AATF: variants seen among roughly 807,000 people sequenced by gnomAD.
AATF encodes the protein apoptosis antagonizing transcription factor, also known as protein AATF.
Under a neutral mutation model 63.7 loss-of-function variants are expected in AATF, and 48 were observed. The observed-to-expected ratio is 0.75, with a 90% CI of 0.60 to 0.96. The LOEUF is 0.96. Ranked by LOEUF, AATF falls within the 40% of genes least tolerant of loss-of-function variation. AATF has a pLI of 0.00. For missense variants in AATF, 639 were observed against 685.7 expected (o/e 0.93, Z 0.76); for synonymous variants, 258 against 247.7 (o/e 1.04, Z -0.39).
At chr17:37,021,136 TAAAC>T (rs1430475286) in intron 10 of AATF, 122 bp downstream of exon 10, 9 of 697,226 alleles carry the variant, frequency 1.3e-5, no homozygotes, top group Middle Eastern at 3.5e-4. Context: ...ATCAGAAAAA[TAAAC>T]AATATTTGAA....
At chr17:37,053,880 A>G (rs992007539) in intron 11 of AATF, among the ~76,000 whole-genome samples, 8 of 152,182 alleles carry the variant, frequency 5.3e-5, no homozygotes, top group Non-Finnish European at 1.2e-4. Context: ...AAAATAGTTT[A>G]TGTGTTACTT....
intron 8 of AATF, among the ~76,000 whole-genome samples, chr17:36,997,374 A>G (rs1470915106): frequency 6.6e-6 from 1 of 152,210 alleles, no homozygotes; most frequent in African/African-American, 2.4e-5. Context: ...TGCAAACTCA[A>G]ATCAGTAAGA....
Position 36,988,685 on chromosome 17 carries a change from G to C in AATF, c.1114G>C (p.Asp372His). Residue 372 changes from aspartate (D) to histidine (H), a missense_variant, in exon 6 of 12, where the codon GAT becomes CAT. Physicochemically the swap from Asp to His is moderately conservative, Grantham distance 81. Transcript: ENST00000619387. ...YRNRTLQKWHDKTKLASGKLG... is the reference protein window; with the variant it reads ...YRNRTLQKWHHKTKLASGKLG... ...GAACCGCACACTTCAGAAATGGCAC[G>C]ATAAGACCAAACTGGCTTCTGGAAA... 1 of 1,614,026 alleles carries C rather than the reference G, an allele frequency of 6.2e-7. No individual in the cohort carries two copies. Among genetic ancestry groups the C allele is most frequent in the East Asian group, 2.2e-5 (1 of 44,884 alleles).
chr17:37,002,243 A>G (rs933609203), intron 8 of AATF, among the ~76,000 whole-genome samples: 1 of 151,912 alleles, frequency 6.6e-6, no homozygotes, highest in Non-Finnish European at 1.5e-5. Context: ...CCACCAAAAA[A>G]CTACTAGAGC....
At chr17:36,987,766 CTTGTA>C (rs2071180503) in intron 5 of AATF, among the ~76,000 whole-genome samples, 1 of 152,170 alleles carries the variant, frequency 6.6e-6, no homozygotes, top group African/African-American at 2.4e-5. Context: ...TTCAGCTTCT[CTTGTA>C]TTTGGTTCAA....
intron 9 of AATF, 68 bp from the exon 10 acceptor site, chr17:37,020,866 C>A (rs2071463809): frequency 1.6e-6 from 2 of 1,275,916 alleles, no homozygotes; most frequent in Non-Finnish European, 2.2e-6. Context: ...TAGAATAATT[C>A]CAATTTGTCA....
rs188603318 is a variant in AATF at position 37,019,114 on chromosome 17, T to A, written c.1466+42T>A. The stretch of plus-strand genomic sequence containing the variant: ...TTTCTGTTCATGCAAGCAGCCTATG[T>A]AATAGTTTCTCCCCTTGAGTCCCTT... On this transcript the variant is annotated intron_variant, in intron 9 of 11. Coordinates refer to ENST00000619387, the MANE Select transcript of AATF (RefSeq NM_012138.4). The A allele has an allele frequency of 2.3e-3, 3,485 of 1,521,766 alleles. 9 individuals are homozygous for A. Among genetic ancestry groups the A allele is most frequent in the Middle Eastern group, 0.019 (110 of 5,912 alleles). The allele number at this position is 1,521,766 out of a possible 1,614,324, so 94.3% of individuals were successfully genotyped here. A position where few individuals can be genotyped will look rare whatever the true frequency, so the allele number is the denominator to read the frequency against.
At chr17:36,974,969 C>T (rs185350684) in intron 4 of AATF, among the ~76,000 whole-genome samples, 3 of 152,104 alleles carry the variant, frequency 2.0e-5, no homozygotes, top group Non-Finnish European at 2.9e-5. Flanking sequence ...ATCTTAATTG[C>T]CTTAAAAAAT....
chr17:36,974,708 T>C (rs1273217357), intron 4 of AATF, among the ~76,000 whole-genome samples: 1 of 152,202 alleles, frequency 6.6e-6, no homozygotes, highest in Non-Finnish European at 1.5e-5. Flanking sequence ...GTATCTGTTA[T>C]TTTAATTTAC....
chr17:37,010,181 G>A (rs554717758), intron 8 of AATF, among the ~76,000 whole-genome samples: 96 of 152,282 alleles, frequency 6.3e-4, no homozygotes, highest in Non-Finnish European at 1.1e-3. Context: ...CTGGCCGGGC[G>A]CGGTGGCTCA....
intron 11 of AATF, among the ~76,000 whole-genome samples, chr17:37,036,876 A>C (rs994800963): frequency 6.6e-6 from 1 of 152,152 alleles, no homozygotes; most frequent in African/African-American, 2.4e-5. Context: ...AAGAAAGCCC[A>C]ATTTGTCCGT....
Position 37,020,970 on chromosome 17 carries a change from C to T in AATF, c.1503C>T (p.Ile501=). 2 of 1,610,706 alleles carry T rather than the reference C, an allele frequency of 1.2e-6. No homozygotes were observed. The highest frequency in any genetic ancestry group is 1.7e-6 in the Non-Finnish European group (2 of 1,178,446). Reference sequence around the variant, plus strand: ...CAATCCAGAAGTTACGAAGCAAAATCCACAAAAAAGTAGATAGGAAAGCCA... The same window carrying T: ...CAATCCAGAAGTTACGAAGCAAAATTCACAAAAAAGTAGATAGGAAAGCCA... ...WLAIQKLRSK[I]HKKVDRKASK... is the part of the protein sequence containing the mutation. The change falls in exon 10 of 12, where the codon ATC becomes ATT. Residue 501 remains isoleucine, a synonymous_variant. Coordinates refer to ENST00000619387, the MANE Select transcript of AATF (RefSeq NM_012138.4).
At chr17:37,011,648 G>T (rs186371293) in intron 8 of AATF, among the ~76,000 whole-genome samples, 3 of 152,276 alleles carry the variant, frequency 2.0e-5, no homozygotes, top group Admixed American at 6.5e-5. Context: ...TGGCTGGCTA[G>T]AGGGGCTGGC....
At chr17:37,021,861 C>T (rs900157454) in intron 10 of AATF, among the ~76,000 whole-genome samples, 1 of 150,090 alleles carries the variant, frequency 6.7e-6, no homozygotes, top group Non-Finnish European at 1.5e-5. Flanking sequence ...ATGTTATTGT[C>T]TTATTGGTCC....
At chr17:37,028,237 C>A (rs1275486531) in intron 10 of AATF, among the ~76,000 whole-genome samples, 1 of 151,884 alleles carries the variant, frequency 6.6e-6, no homozygotes. Flanking sequence ...CATAGCAAGA[C>A]CCTCTCTCTA....
intron 11 of AATF, among the ~76,000 whole-genome samples, chr17:37,049,570 A>G (rs1217080236): frequency 6.7e-6 from 1 of 148,418 alleles, no homozygotes; most frequent in Non-Finnish European, 1.5e-5. Context: ...GCGCCACTGC[A>G]CTCCAGCCTG....
chr17:37,037,017 T>G (rs539073162), intron 11 of AATF, among the ~76,000 whole-genome samples: 27 of 151,438 alleles, frequency 1.8e-4, no homozygotes, highest in East Asian at 1.7e-3. Flanking sequence ...TTTGTTTTTT[T>G]TTTTTTTTTG....
At chr17:36,955,823 C>T (rs569790506) in intron 4 of AATF, among the ~76,000 whole-genome samples, 9 of 152,218 alleles carry the variant, frequency 5.9e-5, no homozygotes, top group Admixed American at 2.0e-4. Flanking sequence ...AGTGCAGTAG[C>T]GTGATCATAG....
At chr17:36,954,896 CTG>C (rs1379170565) in intron 4 of AATF, among the ~76,000 whole-genome samples, 1 of 152,038 alleles carries the variant, frequency 6.6e-6, no homozygotes, top group African/African-American at 2.4e-5. Flanking sequence ...GGTGAGTGTG[CTG>C]TGTTTGGGAT....
Sources: gnomAD v4.1 joint callset for allele counts (sites outside exome capture counted in the v4.1 genomes callset) on GRCh38, gnomAD v4.1.1 for gene constraint, MANE v1.5 for transcripts, NCBI Gene and HGNC (gene_info 2026-07-23, HGNC 2026-07-21) for gene names.